GOLPH3L: variants seen among roughly 807,000 people sequenced by gnomAD.
The protein encoded by GOLPH3L is Golgi phosphoprotein 3-like.
Under a neutral mutation model 30.3 loss-of-function variants are expected in GOLPH3L, and 22 were observed. The ratio of observed to expected loss-of-function variants is 0.73; its 90% confidence interval spans 0.52 to 1.04. GOLPH3L has a LOEUF of 1.04. Ranked by LOEUF, GOLPH3L falls within the 50% of genes least tolerant of loss-of-function variation. The probability of loss-of-function intolerance (pLI) is 0.00; values close to 1 mark genes in which losing one functional copy is unlikely to be tolerated. For missense variants in GOLPH3L, 303 were observed against 345.8 expected, an observed-to-expected ratio of 0.88 and a Z score of 0.98; for synonymous variants, 120 against 128.2, an observed-to-expected ratio of 0.94 and a Z score of 0.43.
At chr1:150,656,159 T>C (rs1650235699) in intron 4 of GOLPH3L, among the ~76,000 whole-genome samples, 1 of 152,184 alleles carries the variant, frequency 6.6e-6, no homozygotes, top group African/African-American at 2.4e-5. Flanking sequence ...CAAGAAATAT[T>C]ACTCCAATGT....
chr1:150,660,047 A>G (rs1650334371), intron 4 of GOLPH3L, among the ~76,000 whole-genome samples: 2 of 152,152 alleles, frequency 1.3e-5, no homozygotes, highest in Non-Finnish European at 2.9e-5. Flanking sequence ...AATAAATACA[A>G]AAAAACCTCA....
At chr1:150,670,157 G>A (rs587733696) in intron 2 of GOLPH3L, among the ~76,000 whole-genome samples, 1 of 151,944 alleles carries the variant, frequency 6.6e-6, no homozygotes, top group African/African-American at 2.4e-5. Flanking sequence ...AGCCACTCAG[G>A]AAGCTGAGGC....
chr1:150,669,415 T>TGATA, intron 2 of GOLPH3L, among the ~76,000 whole-genome samples: 1 of 152,344 alleles, frequency 6.6e-6, no homozygotes, highest in East Asian at 1.9e-4. Context: ...TGTATCTATC[T>TGATA]AACTTAGTGA....
rs1007956695 is a variant in GOLPH3L, at chr1:150,659,798, C to G, written c.430+2016G>C. Among the ~76,000 whole-genome samples the G allele has an allele frequency of 5.3e-5, 8 of 152,160 alleles. 1 individual carries two copies. The highest frequency in any genetic ancestry group is 5.2e-4 in the Admixed American group (8 of 15,282). The stretch of plus-strand genomic sequence containing the variant: ...CTGTAATCCCAGCATTTTGGGAGAC[C>G]AAGATGGGTAGACTGTCTGAGCTCA... On this transcript the variant is annotated intron_variant, in intron 4 of 4. Transcript: ENST00000271732.
chr1:150,676,322 C>T (rs1252566468), intron 2 of GOLPH3L, among the ~76,000 whole-genome samples: 1 of 152,012 alleles, frequency 6.6e-6, no homozygotes, highest in Non-Finnish European at 1.5e-5. Context: ...CTCTATGTAG[C>T]CATCACCTAG....
At chr1:150,691,206 G>A (rs939811714) in intron 2 of GOLPH3L, among the ~76,000 whole-genome samples, 2 of 149,944 alleles carry the variant, frequency 1.3e-5, no homozygotes, top group African/African-American at 2.5e-5. Context: ...AAAAAAGGCC[G>A]GGAGCAGTAG....
Position 150,661,862 on chromosome 1 carries a change from C to T in GOLPH3L, c.382G>A (p.Ala128Thr). The change falls in exon 4 of 5, where the codon GCA becomes ACA. Residue 128 changes from alanine to threonine, a missense_variant. Transcript: ENST00000271732. The part of the protein sequence containing the change: ...LLDETLKHIK[A>T]TEPTETVQTW... ...TGGACAGTTTCTGTGGGTTCAGTTG[C>T]TTTGATGTGTTTCAGAGTTTCATCC... 6.3e-7 allele frequency: 1 copy of T among 1,598,746 alleles called. No individual in the cohort carries two copies. Among genetic ancestry groups the T allele is most frequent in the Non-Finnish European group, 8.6e-7 (1 of 1,166,006 alleles).
intron 2 of GOLPH3L, among the ~76,000 whole-genome samples, chr1:150,680,824 A>G (rs1057308999): frequency 6.6e-6 from 1 of 152,198 alleles, no homozygotes; most frequent in African/African-American, 2.4e-5. Context: ...TTTATTGAGC[A>G]TTTACATGTG....
In GOLPH3L at chr1:150,646,916, A is replaced by G. The variant is rs2101769491; in HGVS notation, c.*1405T>C. ...ATACCAAATTAGCCCTTTAAATAGG[A>G]TCTTTCTTAATAAAGCTTCTCATTG... is the stretch of plus-strand genomic sequence containing the variant. On this transcript the variant is annotated 3_prime_UTR_variant, in exon 5 of 5. Coordinates refer to ENST00000271732, the MANE Select transcript of GOLPH3L (RefSeq NM_018178.6). The G allele has an allele frequency of 6.6e-6, 1 of 152,336 alleles. No homozygotes were observed. Among genetic ancestry groups the G allele is most frequent in the Admixed American group, 6.5e-5 (1 of 15,302 alleles). 9.4% of individuals were successfully genotyped at this position (152,336 alleles called of 1,614,324 possible).
intron 2 of GOLPH3L, among the ~76,000 whole-genome samples, chr1:150,666,846 A>G (rs1650519757): frequency 6.6e-6 from 1 of 152,178 alleles, no homozygotes; most frequent in African/African-American, 2.4e-5. Flanking sequence ...ATATGGGACA[A>G]TATATGAGGT....
At chr1:150,676,952 G>A (rs1368661460) in intron 2 of GOLPH3L, among the ~76,000 whole-genome samples, 1 of 149,822 alleles carries the variant, frequency 6.7e-6, no homozygotes. Context: ...GCCTACATGT[G>A]TAATTTTAAA....
intron 2 of GOLPH3L, among the ~76,000 whole-genome samples, chr1:150,671,571 C>A (rs1333317117): frequency 6.6e-6 from 1 of 152,026 alleles, no homozygotes; most frequent in Non-Finnish European, 1.5e-5. Context: ...CTTTGGGAGG[C>A]CAAGGCGGGC....
intron 3 of GOLPH3L, 109 bp downstream of exon 3, chr1:150,663,523 G>T: frequency 1.0e-6 from 1 of 990,950 alleles, no homozygotes. Context: ...GAACTGCTGA[G>T]TCAGTGATAT....
chr1:150,684,086 C>T (rs587626017), intron 2 of GOLPH3L, among the ~76,000 whole-genome samples: 1 of 152,216 alleles, frequency 6.6e-6, no homozygotes, highest in Non-Finnish European at 1.5e-5. Context: ...ATTTGGACAC[C>T]TAGAGACGCC....
intron 2 of GOLPH3L, among the ~76,000 whole-genome samples, chr1:150,691,113 C>G (rs1375304081): frequency 6.6e-6 from 1 of 151,100 alleles, no homozygotes. Flanking sequence ...GGCTAACATG[C>G]TGAAAACCCT....
chr1:150,692,918 C>T (rs888369821), intron 2 of GOLPH3L, among the ~76,000 whole-genome samples: 4 of 152,194 alleles, frequency 2.6e-5, no homozygotes, highest in Non-Finnish European at 5.9e-5. Context: ...GTTCTATATC[C>T]TCTTTTTATA....
intron 2 of GOLPH3L, among the ~76,000 whole-genome samples, chr1:150,681,398 G>A (rs1489771656): frequency 6.6e-6 from 1 of 152,132 alleles, no homozygotes; most frequent in African/African-American, 2.4e-5. Flanking sequence ...ATAAATGCAA[G>A]AGAATTCAGA....
At chr1:150,686,064 G>A (rs771360377) in intron 2 of GOLPH3L, among the ~76,000 whole-genome samples, 2 of 151,872 alleles carry the variant, frequency 1.3e-5, no homozygotes, top group African/African-American at 4.8e-5. Context: ...TAGTAAAGAT[G>A]GGGTTTTACC....
chr1:150,668,987 T>A (rs587687864), intron 2 of GOLPH3L, among the ~76,000 whole-genome samples: 1 of 152,260 alleles, frequency 6.6e-6, no homozygotes, highest in South Asian at 2.1e-4. Flanking sequence ...AGAAGCAGTA[T>A]AAAGAAATGA....
Sources: gnomAD v4.1 joint callset for allele counts (sites outside exome capture counted in the v4.1 genomes callset) on GRCh38, gnomAD v4.1.1 for gene constraint, MANE v1.5 for transcripts, NCBI Gene and HGNC (gene_info 2026-07-23, HGNC 2026-07-21) for gene names.